TRPS1: variants seen among roughly 807,000 people sequenced by gnomAD.
The protein encoded by TRPS1 is zinc finger transcription factor Trps1.
A neutral mutation model predicts 101.2 loss-of-function variants in TRPS1; 6 were observed. That is an observed-to-expected ratio of 0.06 (90% CI 0.03 to 0.12). TRPS1 has a LOEUF of 0.12. Among genes scored for constraint, TRPS1 ranks in the 10% least tolerant of loss-of-function variants. The pLI is 1.00. For synonymous variants in TRPS1, 578 were observed against 589.8 expected, an observed-to-expected ratio of 0.98 and a Z score of 0.29; for missense variants, 1,363 against 1,567.0, an observed-to-expected ratio of 0.87 and a Z score of 2.20.
chr8:115,438,600 A>G (rs1813514676), intron 5 of TRPS1, among the ~76,000 whole-genome samples: 1 of 152,208 alleles, frequency 6.6e-6, no homozygotes, highest in African/African-American at 2.4e-5. Context: ...GGGAAATCAG[A>G]GAGCATAAAC....
intron 5 of TRPS1, among the ~76,000 whole-genome samples, chr8:115,420,723 T>C (rs925501478): frequency 2.0e-5 from 3 of 152,216 alleles, no homozygotes; most frequent in Non-Finnish European, 4.4e-5. Context: ...TCCAAAAGCA[T>C]AGCTTGCTTT....
intron 5 of TRPS1, among the ~76,000 whole-genome samples, chr8:115,568,715 A>G (rs1478762132): frequency 2.6e-5 from 4 of 152,178 alleles, no homozygotes; most frequent in Non-Finnish European, 4.4e-5. Flanking sequence ...CTAAACTTAT[A>G]TAGAAATTTA....
chr8:115,601,536 T>TA (rs11380570), intron 4 of TRPS1, among the ~76,000 whole-genome samples: 152,296 of 152,296 alleles, frequency 1, 76,148 homozygotes, highest in Non-Finnish European at 1. Context: ...AGATTAGAGA[T>TA]AACTACTCAG....
intron 5 of TRPS1, among the ~76,000 whole-genome samples, chr8:115,452,840 A>G (rs1813911123): frequency 6.6e-6 from 1 of 152,164 alleles, no homozygotes; most frequent in South Asian, 2.1e-4. Context: ...TCTTTTACCT[A>G]AATCATTTCA....
chr8:115,597,332 A>G (rs1441547776), intron 4 of TRPS1, among the ~76,000 whole-genome samples: 1 of 151,874 alleles, frequency 6.6e-6, no homozygotes, highest in Non-Finnish European at 1.5e-5. Flanking sequence ...ATATAAAGGG[A>G]TCTCTTTCTT....
chr8:115,461,053 A>G (rs1313642768), intron 5 of TRPS1, among the ~76,000 whole-genome samples: 1 of 152,160 alleles, frequency 6.6e-6, no homozygotes, highest in East Asian at 1.9e-4. Flanking sequence ...CAAACATGAC[A>G]GTGATAAGGT....
chr8:115,483,368 T>C (rs1183047030), intron 5 of TRPS1, among the ~76,000 whole-genome samples: 1 of 151,350 alleles, frequency 6.6e-6, no homozygotes, highest in African/African-American at 2.4e-5. Context: ...CCCATCTCTA[T>C]AAAAAAATAC....
chr8:115,554,185 CAA>C (rs1341581327), intron 5 of TRPS1, among the ~76,000 whole-genome samples: 5 of 152,054 alleles, frequency 3.3e-5, no homozygotes, highest in Non-Finnish European at 4.4e-5. Flanking sequence ...GAAAAGCAAA[CAA>C]GAGAAGAAAA....
chr8:115,587,472 A>C lies in TRPS1; in HGVS notation c.2229T>G (p.Gly743=). 2 of 1,614,086 alleles carry C rather than the reference A, an allele frequency of 1.2e-6. No individual in the cohort carries two copies. Among genetic ancestry groups the C allele is most frequent in the Non-Finnish European group, 1.7e-6 (2 of 1,180,010 alleles). Residue 743 remains glycine (G), a synonymous_variant, in exon 5 of 7, where the codon GGT becomes GGG. Transcript: ENST00000395715. ...CCTCTTTGATGGTGGATATGGCATG[A>C]CCGTCCTCTTCGCCGTTGGCTGTAG... ...DITTANGEED[G]HAISTIKEEP...
At chr8:115,636,274 T>C (rs1242886620) in intron 1 of TRPS1, among the ~76,000 whole-genome samples, 1 of 152,196 alleles carries the variant, frequency 6.6e-6, no homozygotes, top group Non-Finnish European at 1.5e-5. Flanking sequence ...GGTTCCTGTT[T>C]ACTGCGCCAC....
chr8:115,464,357 G>A (rs766608189), intron 5 of TRPS1, among the ~76,000 whole-genome samples: 2 of 151,998 alleles, frequency 1.3e-5, no homozygotes, highest in Non-Finnish European at 2.9e-5. Context: ...CCTGTTTATC[G>A]TTGCTTATTC....
chr8:115,562,880 G>C (rs1345868838), intron 5 of TRPS1, among the ~76,000 whole-genome samples: 1 of 101,420 alleles, frequency 9.9e-6, no homozygotes, highest in African/African-American at 1.2e-4. Flanking sequence ...CAGTGTCTGT[G>C]TGTGTGTGTG....
At chr8:115,526,094 C>A (rs909498979) in intron 5 of TRPS1, among the ~76,000 whole-genome samples, 1 of 151,912 alleles carries the variant, frequency 6.6e-6, no homozygotes, top group Non-Finnish European at 1.5e-5. Context: ...TGATTAAGAA[C>A]GTTCTGGGTC....
At chr8:115,417,289 T>A (rs923599548) in intron 6 of TRPS1, among the ~76,000 whole-genome samples, 3 of 152,186 alleles carry the variant, frequency 2.0e-5, no homozygotes, top group Non-Finnish European at 4.4e-5. Flanking sequence ...ACTTGCTACA[T>A]GCTAATAACT....
intron 5 of TRPS1, among the ~76,000 whole-genome samples, chr8:115,552,336 T>C (rs1816724498): frequency 6.6e-6 from 1 of 152,122 alleles, no homozygotes; most frequent in South Asian, 2.1e-4. Context: ...TACTTTACAA[T>C]CTAAAAATGC....
chr8:115,458,738 C>G (rs1814092176), intron 5 of TRPS1, among the ~76,000 whole-genome samples: 1 of 152,206 alleles, frequency 6.6e-6, no homozygotes, highest in African/African-American at 2.4e-5. Flanking sequence ...TGGCAGGCTA[C>G]TGTATTCCAT....
At chr8:115,455,800 A>C (rs1225369780) in intron 5 of TRPS1, among the ~76,000 whole-genome samples, 1 of 124,570 alleles carries the variant, frequency 8.0e-6, no homozygotes, top group African/African-American at 3.3e-5. Context: ...TTTGAGACAG[A>C]GTCTTGTGGA....
At chr8:115,447,307 T>C (rs931142407) in intron 5 of TRPS1, among the ~76,000 whole-genome samples, 1 of 152,172 alleles carries the variant, frequency 6.6e-6, no homozygotes, top group Non-Finnish European at 1.5e-5. Context: ...TGCTACTGAA[T>C]GTATTTAAAA....
chr8:115,448,036 T>C (rs35723491), intron 5 of TRPS1, among the ~76,000 whole-genome samples: 10,623 of 152,216 alleles, frequency 0.07, 478 homozygotes, highest in Middle Eastern at 0.12. Context: ...AAAAGGACCA[T>C]GCAAAATCCT....
Sources: allele counts gnomAD v4.1 joint callset (sites outside exome capture counted in the v4.1 genomes callset), GRCh38; gene constraint gnomAD v4.1.1; transcripts MANE v1.5; gene names NCBI Gene and HGNC (gene_info 2026-07-23, HGNC 2026-07-21).